Variants in DENND1A observed in about 807,000 individuals in gnomAD.
DENND1A encodes the protein DENN domain-containing protein 1A.
DENND1A carries 51 observed loss-of-function variants against 113.7 expected under a neutral mutation model. The ratio of observed to expected loss-of-function variants is 0.45; its 90% CI spans 0.36 to 0.57. The LOEUF (loss-of-function observed/expected upper bound fraction) is 0.57. DENND1A is among the 20% of genes least tolerant of loss of function. The probability of loss-of-function intolerance (pLI) is 0.00; values close to 1 mark genes in which losing one functional copy is unlikely to be tolerated. For missense variants in DENND1A, 1,258 were observed against 1,395.9 expected (o/e 0.90, Z 1.57); for synonymous variants, 565 against 570.8 (o/e 0.99, Z 0.14).
At chr9:123,703,149 T>A (rs2065979968) in intron 5 of DENND1A, among the ~76,000 whole-genome samples, 1 of 152,126 alleles carries the variant, frequency 6.6e-6, no homozygotes. Context: ...ACATGGCTAA[T>A]TTCTTTGTTT....
At chr9:123,530,576 G>T (rs1467599678) in intron 13 of DENND1A, among the ~76,000 whole-genome samples, 1 of 152,124 alleles carries the variant, frequency 6.6e-6, no homozygotes, top group Admixed American at 6.6e-5. Context: ...TAGTGAACAT[G>T]GATGTTGACT....
At chr9:123,671,465 TG>T in intron 6 of DENND1A, 94 bp from the exon 7 acceptor site, 1 of 1,185,414 alleles carries the variant, frequency 8.4e-7, no homozygotes, top group Non-Finnish European at 1.2e-6. Context: ...CTGAGGGGGC[TG>T]GGGAGATGCT....
chr9:123,807,052 T>C (rs1835706499), intron 2 of DENND1A, among the ~76,000 whole-genome samples: 1 of 152,174 alleles, frequency 6.6e-6, no homozygotes, highest in Non-Finnish European at 1.5e-5. Context: ...CCATAACATG[T>C]GGAAATACAT....
At chr9:123,481,093 G>A (rs1164724424) in intron 13 of DENND1A, among the ~76,000 whole-genome samples, 1 of 152,200 alleles carries the variant, frequency 6.6e-6, no homozygotes, top group Non-Finnish European at 1.5e-5. Flanking sequence ...AAAGCTGGCT[G>A]CTGCCAGCAG....
At chr9:123,853,151 C>T (rs930104699) in intron 2 of DENND1A, among the ~76,000 whole-genome samples, 2 of 150,414 alleles carry the variant, frequency 1.3e-5, no homozygotes, top group African/African-American at 4.9e-5. Flanking sequence ...AACTTCTGAC[C>T]TCATGATCCG....
At chr9:123,803,841 G>A (rs149173094) in intron 2 of DENND1A, among the ~76,000 whole-genome samples, 258 of 152,128 alleles carry the variant, frequency 1.7e-3, no homozygotes, top group African/African-American at 6.0e-3. Context: ...CCACTTTGTC[G>A]CCTCCTACTC....
At chr9:123,476,645 C>T (rs1186381799) in intron 13 of DENND1A, among the ~76,000 whole-genome samples, 7 of 152,132 alleles carry the variant, frequency 4.6e-5, no homozygotes, top group African/African-American at 7.2e-5. Context: ...CATTTGGGAA[C>T]GAGGTGTGGG....
intron 19 of DENND1A, among the ~76,000 whole-genome samples, chr9:123,420,541 G>C (rs1473636473): frequency 6.6e-6 from 1 of 152,172 alleles, no homozygotes; most frequent in Non-Finnish European, 1.5e-5. Context: ...GGGCTCGCCA[G>C]TCCTGTCAAC....
chr9:123,621,489 T>C (rs1017707682), intron 10 of DENND1A, among the ~76,000 whole-genome samples: 2 of 152,174 alleles, frequency 1.3e-5, no homozygotes, highest in African/African-American at 4.8e-5. Flanking sequence ...CTGGCCTCAG[T>C]TGAAATTCTT....
chr9:123,520,147 C>CAA lies in DENND1A; in HGVS notation c.993+37421_993+37422dup, dbSNP rs777054330. Reference sequence around the variant, plus strand: ...TGGGAAACAGAGCAAGATCCTGTCTCAAAAAAAAAAAAAAAAAAAAAAAAA... The same window carrying CAA: ...TGGGAAACAGAGCAAGATCCTGTCTCAAAAAAAAAAAAAAAAAAAAAAAAAAA... On this transcript the variant is annotated intron_variant, in intron 13 of 23. Coordinates refer to ENST00000394215, the MANE Select transcript of DENND1A (RefSeq NM_001352964.2). Among the ~76,000 whole-genome samples the CAA allele has an allele frequency of 1.3e-3, 49 of 37,290 alleles. 2 individuals are homozygous for CAA. Among genetic ancestry groups the CAA allele is most frequent in the African/African-American group, 2.3e-3 (30 of 12,796 alleles). The allele number at this position is 37,290 out of a possible 152,430, so 24.5% of individuals were successfully genotyped here.
At chr9:123,819,156 T>C (rs1225390672) in intron 2 of DENND1A, among the ~76,000 whole-genome samples, 1 of 152,220 alleles carries the variant, frequency 6.6e-6, no homozygotes. Flanking sequence ...AACAATCCAC[T>C]GAGACTGTTT....
intron 21 of DENND1A, 72 bp downstream of exon 21, chr9:123,403,330 T>C (rs2043651833): frequency 2.0e-6 from 3 of 1,530,314 alleles, no homozygotes; most frequent in African/African-American, 2.7e-5. Context: ...GGCTACACGC[T>C]TGGGCTTCGC....
intron 13 of DENND1A, among the ~76,000 whole-genome samples, chr9:123,540,072 C>T (rs1187683861): frequency 6.6e-6 from 1 of 152,122 alleles, no homozygotes; most frequent in African/African-American, 2.4e-5. Context: ...GTATTTTCCA[C>T]TAAAATACAT....
At chr9:123,706,080 G>A (rs1463482274) in intron 5 of DENND1A, among the ~76,000 whole-genome samples, 2 of 151,912 alleles carry the variant, frequency 1.3e-5, no homozygotes, top group Non-Finnish European at 2.9e-5. Context: ...AAGAAATGGT[G>A]TTGGCTTGGA....
At chr9:123,607,510 CACACACACACAGAGAG>C (rs1359278134) in intron 11 of DENND1A, among the ~76,000 whole-genome samples, 2 of 90,168 alleles carry the variant, frequency 2.2e-5, no homozygotes, top group Admixed American at 1.1e-4. Flanking sequence ...CACACACACA[CACACACACACAGAGAG>C]AGAGAGAGAG....
intron 21 of DENND1A, among the ~76,000 whole-genome samples, chr9:123,389,150 G>A (rs1304391971): frequency 1.3e-5 from 2 of 152,270 alleles, no homozygotes; most frequent in African/African-American, 4.8e-5. Flanking sequence ...GGCTGCGCAG[G>A]GGGACGGGGC....
intron 21 of DENND1A, among the ~76,000 whole-genome samples, chr9:123,391,644 T>A (rs373027673): frequency 6.6e-5 from 10 of 151,194 alleles, no homozygotes; most frequent in African/African-American, 2.4e-4. Flanking sequence ...TAAACTTACT[T>A]AAATTCAGCT....
At chr9:123,685,004 T>C (rs1193469780) in intron 5 of DENND1A, among the ~76,000 whole-genome samples, 2 of 152,202 alleles carry the variant, frequency 1.3e-5, no homozygotes, top group African/African-American at 2.4e-5. Flanking sequence ...TTGACACTGA[T>C]TGCAAAGTCA....
At chr9:123,450,436 A>G (rs1483991043) in intron 18 of DENND1A, among the ~76,000 whole-genome samples, 1 of 152,258 alleles carries the variant, frequency 6.6e-6, no homozygotes, top group Non-Finnish European at 1.5e-5. Context: ...TGGGGTGGGC[A>G]AGGGACAGCC....
Sources: allele counts gnomAD v4.1 joint callset (sites outside exome capture counted in the v4.1 genomes callset), GRCh38; gene constraint gnomAD v4.1.1; transcripts MANE v1.5; gene names NCBI Gene and HGNC (gene_info 2026-07-23, HGNC 2026-07-21).